Variants in RAB11FIP5 observed in about 807,000 individuals in gnomAD.
RAB11FIP5 encodes the protein RAB11 family interacting protein 5.
Under a neutral mutation model 85.1 loss-of-function variants are expected in RAB11FIP5, and 48 were observed. That is an observed-to-expected ratio of 0.56 (90% confidence interval 0.45 to 0.72). RAB11FIP5 has a LOEUF of 0.72. RAB11FIP5 is among the 30% of genes least tolerant of loss of function. The probability of loss-of-function intolerance (pLI) is 0.00; values close to 1 mark genes in which losing one functional copy is unlikely to be tolerated. For synonymous variants in RAB11FIP5, 729 were observed against 727.3 expected, an observed-to-expected ratio of 1.00 and a Z score of -0.04; for missense variants, 1,491 against 1,687.0, an observed-to-expected ratio of 0.88 and a Z score of 2.04.
intron 1 of RAB11FIP5, among the ~76,000 whole-genome samples, chr2:73,111,781 G>A (rs930010446): frequency 6.6e-6 from 1 of 152,166 alleles, no homozygotes; most frequent in African/African-American, 2.4e-5. Flanking sequence ...GGGGGTGGGG[G>A]GGTGACATCT....
rs766313052 is a variant in RAB11FIP5 at position 73,112,418 on chromosome 2, G to T, written c.360C>A (p.Val120=). The change falls in exon 1 of 6, where the codon GTC becomes GTA. Residue 120 remains valine (V), a synonymous_variant. Coordinates refer to ENST00000486777, the MANE Select transcript of RAB11FIP5 (RefSeq NM_001371272.1). ...CCGTGGCCTGGCCCAGGAACTTGTCGACGCCGATGAGCGAGCGGTGCATGG... is the reference window on the plus strand; with the variant it reads ...CCGTGGCCTGGCCCAGGAACTTGTCTACGCCGATGAGCGAGCGGTGCATGG... The part of the protein sequence containing the change: ...LTTMHRSLIG[V]DKFLGQATVA... 2.5e-5 allele frequency: 40 copies of T among 1,601,536 alleles called. No homozygotes were observed. The highest frequency in any genetic ancestry group is 3.3e-5 in the Non-Finnish European group (39 of 1,176,620).
Position 73,075,732 on chromosome 2 carries a change from C to A in RAB11FIP5, c.3772-8G>T. 1.9e-6 allele frequency: 3 copies of A among 1,588,126 alleles called. No individual in the cohort carries two copies. The highest frequency in any genetic ancestry group is 2.3e-5 in the East Asian group (1 of 43,854). ...GTCCAGCACAGCTGAGTCCTGAGGC[C>A]GGACCGAAGACAGTGAGCAGGGCAG... On this transcript the variant is annotated splice_region_variant and splice_polypyrimidine_tract_variant and intron_variant, in intron 5 of 5. Coordinates refer to ENST00000486777, the MANE Select transcript of RAB11FIP5 (RefSeq NM_001371272.1). The surrounding 1 kb of genome is among the most constrained non-coding windows in gnomAD (Gnocchi z 4.6).
Position 73,112,424 on chromosome 2 carries a change from G to A in RAB11FIP5, c.354C>T (p.Ile118=). The A allele has an allele frequency of 6.2e-7, 1 of 1,601,596 alleles. No homozygotes were observed. The highest frequency in any genetic ancestry group is 2.3e-5 in the East Asian group (1 of 43,604). The change falls in exon 1 of 6, where the codon ATC becomes ATT. Residue 118 remains isoleucine (I), a synonymous_variant. Transcript: ENST00000486777. The stretch of plus-strand genomic sequence containing the variant: ...CCTGGCCCAGGAACTTGTCGACGCC[G>A]ATGAGCGAGCGGTGCATGGTGGTGA... ...LVLTTMHRSL[I]GVDKFLGQAT...
intron 4 of RAB11FIP5, among the ~76,000 whole-genome samples, chr2:73,077,204 G>A (rs1432883692): frequency 6.6e-6 from 1 of 152,158 alleles, no homozygotes; most frequent in Non-Finnish European, 1.5e-5. Flanking sequence ...CCCCTCAGGT[G>A]CATCCCACTC....
Position 73,081,647 on chromosome 2 carries a change from G to C in RAB11FIP5, c.1585C>G (p.Gln529Glu). ...AGAGCAGCTGGGTCAGATTCTACCTGAGGAGACACGTCCAGGCTGTGGAGG... is the reference window on the plus strand; with the variant it reads ...AGAGCAGCTGGGTCAGATTCTACCTCAGGAGACACGTCCAGGCTGTGGAGG... The part of the protein sequence containing the change: ...TQKPSLDVSP[Q>E]VESDPAALPH... The change falls in exon 4 of 6, where the codon CAG (glutamine) becomes GAG (glutamate). Residue 529 changes from glutamine to glutamate, a missense_variant. Coordinates refer to ENST00000486777, the MANE Select transcript of RAB11FIP5 (RefSeq NM_001371272.1). The surrounding 1 kb of genome is among the most constrained non-coding windows in gnomAD (Gnocchi z 4.2). The C allele has an allele frequency of 3.2e-6, 4 of 1,231,772 alleles. No homozygotes were observed. The highest frequency in any genetic ancestry group is 4.1e-6 in the Non-Finnish European group (4 of 987,548). The allele number at this position is 1,231,772 out of a possible 1,614,324, so 76.3% of individuals were successfully genotyped here. A position where few individuals can be genotyped will look rare whatever the true frequency, so the allele number is the denominator to read the frequency against.
At chr2:73,082,210 C>T (rs182099255) in intron 3 of RAB11FIP5, among the ~76,000 whole-genome samples, 176 of 152,178 alleles carry the variant, frequency 1.2e-3, no homozygotes, top group Admixed American at 4.0e-3. Flanking sequence ...GAGGTTTCAC[C>T]ATGTTGGCCA....
At chr2:73,095,396 T>C (rs1684297852) in intron 1 of RAB11FIP5, among the ~76,000 whole-genome samples, 1 of 152,210 alleles carries the variant, frequency 6.6e-6, no homozygotes, top group African/African-American at 2.4e-5. Flanking sequence ...TCACTGGATC[T>C]TGTTAAAATG....
Position 73,112,742 on chromosome 2 carries a change from C to A in RAB11FIP5, c.36G>T (p.Gly12=), listed in dbSNP as rs372652463. 173 of 1,492,748 alleles carry A rather than the reference C, an allele frequency of 1.2e-4. 1 individual carries two copies. In the South Asian group the frequency reaches 2.0e-3, roughly 17 times the overall value. The allele number at this position is 1,492,748 out of a possible 1,614,324, so 92.5% of individuals were successfully genotyped here. Residue 12 remains glycine (G), a synonymous_variant, in exon 1 of 6, where the codon GGG becomes GGT. Transcript: ENST00000486777. ...ALVRGAEPAA[G]PSRWLPTHVQ... ...CGTGCGTGGGCAGCCAGCGGGAAGGCCCCGCCGCCGGCTCCGCGCCCCGCA... is the reference window on the plus strand; with the variant it reads ...CGTGCGTGGGCAGCCAGCGGGAAGGACCCGCCGCCGGCTCCGCGCCCCGCA...
rs781423578 is a variant in RAB11FIP5 at position 73,089,366 on chromosome 2, G to A, written c.432-51C>T. The A allele has an allele frequency of 3.8e-6, 6 of 1,588,320 alleles. No individual in the cohort carries two copies. Among genetic ancestry groups the A allele is most frequent in the Non-Finnish European group, 5.2e-6 (6 of 1,164,434 alleles). ...ACTCAGTCACGGGCCCAGGGAGCCT[G>A]GCTCCCGCCCGGTACCAGGCACTGC... On this transcript the variant is annotated intron_variant, in intron 1 of 5. Transcript: ENST00000486777. The surrounding 1 kb of genome is among the most constrained non-coding windows in gnomAD (Gnocchi z 4.6).
At chr2:73,099,455 C>A (rs1383326558) in intron 1 of RAB11FIP5, among the ~76,000 whole-genome samples, 1 of 152,138 alleles carries the variant, frequency 6.6e-6, no homozygotes, top group African/African-American at 2.4e-5. Context: ...GCAAACTCAG[C>A]AGAAGGCCAG....
At chr2:73,104,658 G>C (rs1442246907) in intron 1 of RAB11FIP5, among the ~76,000 whole-genome samples, 1 of 152,088 alleles carries the variant, frequency 6.6e-6, no homozygotes, top group African/African-American at 2.4e-5. Context: ...ACTAAGCTTG[G>C]CTCCCCTCAC....
At chr2:73,083,740 C>A (rs1684043689) in intron 3 of RAB11FIP5, among the ~76,000 whole-genome samples, 1 of 152,198 alleles carries the variant, frequency 6.6e-6, no homozygotes, top group Non-Finnish European at 1.5e-5. Context: ...GCAACATACA[C>A]CACCACCAGG....
chr2:73,090,912 T>C (rs988945607), intron 1 of RAB11FIP5, among the ~76,000 whole-genome samples: 3 of 152,222 alleles, frequency 2.0e-5, no homozygotes, highest in African/African-American at 4.8e-5. Flanking sequence ...CGTGTTGATA[T>C]TGGCTCTCAA....
intron 3 of RAB11FIP5, among the ~76,000 whole-genome samples, chr2:73,082,758 T>C (rs1684011459): frequency 6.6e-6 from 1 of 152,220 alleles, no homozygotes; most frequent in Admixed American, 6.5e-5. Flanking sequence ...GACAGGGTCC[T>C]TTCTGGGGGA....
In RAB11FIP5 at chr2:73,086,787, G is replaced by A. The variant is rs1392241828; in HGVS notation, c.1568+1263C>T. ...CAGCTCACCTGAGCTCTGGTGAGTA[G>A]GGGCGGGGCAGTAGGGACAGGAGCT... On this transcript the variant is annotated intron_variant, in intron 3 of 5. Coordinates refer to ENST00000486777, the MANE Select transcript of RAB11FIP5 (RefSeq NM_001371272.1). This position sits in a 1 kb window ranked among gnomAD's most constrained non-coding sequence, Gnocchi z 4.4. Among the ~76,000 whole-genome samples, 1 of 152,160 alleles carries A rather than the reference G, an allele frequency of 6.6e-6. No individual in the cohort carries two copies. Among genetic ancestry groups the A allele is most frequent in the African/African-American group, 2.4e-5 (1 of 41,430 alleles).
chr2:73,094,375 G>T (rs1401861445), intron 1 of RAB11FIP5, among the ~76,000 whole-genome samples: 1 of 152,204 alleles, frequency 6.6e-6, no homozygotes, highest in Non-Finnish European at 1.5e-5. Context: ...AAATCAATCA[G>T]GGTGTGACCA....
chr2:73,093,807 C>T (rs373334332), intron 1 of RAB11FIP5, among the ~76,000 whole-genome samples: 3 of 152,218 alleles, frequency 2.0e-5, no homozygotes, highest in Admixed American at 6.5e-5. Context: ...TTCAAGGGAA[C>T]GTGCCAGATC....
At chr2:73,102,977 AC>A (rs1445869022) in intron 1 of RAB11FIP5, among the ~76,000 whole-genome samples, 1 of 151,328 alleles carries the variant, frequency 6.6e-6, no homozygotes, top group African/African-American at 2.4e-5. Context: ...CAGTTGGAAA[AC>A]CCTTTTCCCT....
chr2:73,081,527 C>A lies in RAB11FIP5; in HGVS notation c.1705G>T (p.Ala569Ser), dbSNP rs745545408. Reference sequence around the variant, plus strand: ...GCAGCAGTGGCAGCAGCGGGGGAGGCGGCTGCAAAAAGGTTAGTGCTTAGC... The same window carrying A: ...GCAGCAGTGGCAGCAGCGGGGGAGGAGGCTGCAAAAAGGTTAGTGCTTAGC... ...PMLSTNLFAAASPAAATAAAA... is the reference protein window; with the variant it reads ...PMLSTNLFAASSPAAATAAAA... Residue 569 changes from alanine (A) to serine (S), a missense_variant, in exon 4 of 6, where the codon GCC becomes TCC. Around this residue, in one of 3 missense-constraint regions of RAB11FIP5, gnomAD observed 1,211 missense variants for 1,338.0 expected, o/e 0.91. Transcript: ENST00000486777. The surrounding 1 kb of genome is among the most constrained non-coding windows in gnomAD (Gnocchi z 4.2). 1.6e-6 allele frequency: 2 copies of A among 1,225,592 alleles called. No homozygotes were observed. Among genetic ancestry groups the A allele is most frequent in the South Asian group, 4.1e-5 (1 of 24,438 alleles). 75.9% of individuals were successfully genotyped at this position (1,225,592 alleles called of 1,614,324 possible).
Sources: gnomAD v4.1 joint callset for allele counts (sites outside exome capture counted in the v4.1 genomes callset) on GRCh38, gnomAD v4.1.1 for gene constraint, gnomAD v4.1.1 regional missense constraint, Gnocchi (gnomAD v3.1) non-coding constraint, MANE v1.5 for transcripts, NCBI Gene and HGNC (gene_info 2026-07-23, HGNC 2026-07-21) for gene names.